The following ANO1 variants were observed in gnomAD, a reference collection of about 807,000 sequenced individuals.
The protein encoded by ANO1 is anoctamin 1, also known as anoctamin-1.
A neutral mutation model predicts 124.0 loss-of-function variants in ANO1; 59 were observed. The ratio of observed to expected loss-of-function variants is 0.48; its 90% CI spans 0.39 to 0.59. The LOEUF (loss-of-function observed/expected upper bound fraction) is 0.59, where lower values mean the gene tolerates loss of function less well. Among genes scored for constraint, ANO1 ranks in the 20% least tolerant of loss-of-function variants. ANO1 has a pLI of 0.00. For missense variants in ANO1, 1,059 were observed against 1,328.0 expected, an observed-to-expected ratio of 0.80 and a Z score of 3.15; for synonymous variants, 529 against 532.0, an observed-to-expected ratio of 0.99 and a Z score of 0.08.
chr11:70,087,621 G>A (rs556515973), intron 1 of ANO1, 131 bp from the exon 2 acceptor site: 27 of 887,042 alleles, frequency 3.0e-5, no homozygotes, highest in South Asian at 1.1e-4. Context: ...TGCCTGGCCC[G>A]TGGAGGGCGC....
chr11:70,078,915 G>T (rs537834947), intron 1 of ANO1, among the ~76,000 whole-genome samples: 14 of 151,606 alleles, frequency 9.2e-5, no homozygotes, highest in Non-Finnish European at 1.8e-4. Flanking sequence ...CCCCGCCTGC[G>T]CTCTGAGCGT....
chr11:70,002,477 A>AAC (rs1315228835), intron 1 of ANO1, among the ~76,000 whole-genome samples: 7 of 149,866 alleles, frequency 4.7e-5, no homozygotes, highest in African/African-American at 1.7e-4. Flanking sequence ...AAAAAAAAAA[A>AAC]CACCAAAAAA....
chr11:70,008,202 G>A (rs1285155077), intron 1 of ANO1, among the ~76,000 whole-genome samples: 2 of 152,228 alleles, frequency 1.3e-5, no homozygotes, highest in East Asian at 1.9e-4. Flanking sequence ...CTTCTACTCA[G>A]TAAATTGCCG....
In ANO1 at chr11:70,132,001, G is replaced by A; in HGVS notation, c.1180G>A (p.Ala394Thr). 6.2e-7 allele frequency: 1 copy of A among 1,609,650 alleles called. No homozygotes were observed. Among genetic ancestry groups the A allele is most frequent in the Non-Finnish European group, 8.5e-7 (1 of 1,179,364 alleles). Residue 394 changes from alanine (A) to threonine (T), a missense_variant, in exon 11 of 26, where the codon GCC (alanine) becomes ACC (threonine). Physicochemically the swap from Ala to Thr is moderately conservative, Grantham distance 58. Transcript: ENST00000355303. ...KTCSYWKMSS[A>T]CATARASHLF... is the part of the protein sequence containing the mutation. ...CTGCAGCTACTGGAAGATGAGCTCAGCCTGCGCCACGGCCCGCGCCAGCCA... is the reference window on the plus strand; with the variant it reads ...CTGCAGCTACTGGAAGATGAGCTCAACCTGCGCCACGGCCCGCGCCAGCCA...
the ANO1 span, among the ~76,000 whole-genome samples, chr11:69,967,477 ACTT>A: frequency 1.8e-4 from 27 of 152,244 alleles, no homozygotes; most frequent in African/African-American, 5.8e-4. Context: ...TCCATCTCAG[ACTT>A]CTTCTTCATG....
chr11:70,170,771 C>A, intron 21 of ANO1, 116 bp from the exon 22 acceptor site: 1 of 1,333,158 alleles, frequency 7.5e-7, no homozygotes, highest in South Asian at 1.4e-5. Context: ...TGCAGGTGGG[C>A]TCGTTGGAGG....
rs186558039 is a variant in ANO1, at chr11:70,118,712, G to A, written c.897+2213G>A. Among the ~76,000 whole-genome samples the A allele has an allele frequency of 4.6e-4, 69 of 151,490 alleles. 1 individual carries two copies. The highest frequency in any genetic ancestry group is 1.4e-3 in the African/African-American group (59 of 41,212). ...GTGGAGAGATGAATGATGGTTGATGGATGAGTGGGTGGATGGATGGGTGAA... is the reference window on the plus strand; with the variant it reads ...GTGGAGAGATGAATGATGGTTGATGAATGAGTGGGTGGATGGATGGGTGAA... On this transcript the variant is annotated intron_variant, in intron 8 of 25. Transcript: ENST00000355303.
intron 1 of ANO1, among the ~76,000 whole-genome samples, chr11:70,048,910 G>T (rs58395416): frequency 0.045 from 6,792 of 152,162 alleles, 279 homozygotes; most frequent in East Asian, 0.23. Context: ...GTGGAAACAG[G>T]TTCTTCTTGA....
upstream of ANO1, among the ~76,000 whole-genome samples, chr11:69,984,461 A>G (rs542733660): frequency 8.9e-5 from 10 of 112,108 alleles, no homozygotes; most frequent in South Asian, 3.4e-4. Flanking sequence ...TTCAGACTCA[A>G]TGCGAGGAAG....
chr11:70,135,190 G>A (rs754207058), intron 11 of ANO1, among the ~76,000 whole-genome samples: 54 of 152,202 alleles, frequency 3.5e-4, no homozygotes, highest in Non-Finnish European at 5.0e-4. Flanking sequence ...GATTTCATCC[G>A]TCTGTTTCCT....
At chr11:70,010,164 T>TCAC (rs1856568167) in intron 1 of ANO1, among the ~76,000 whole-genome samples, 1 of 61,318 alleles carries the variant, frequency 1.6e-5, no homozygotes, top group African/African-American at 5.5e-5. Context: ...TGTGTGTGTG[T>TCAC]GCGCGTGTGT....
intron 1 of ANO1, among the ~76,000 whole-genome samples, chr11:70,004,942 G>A (rs1410888537): frequency 2.0e-5 from 3 of 151,988 alleles, no homozygotes; most frequent in Admixed American, 2.0e-4. Flanking sequence ...GCAAAACCCC[G>A]TCTCTACTAA....
intron 1 of ANO1, among the ~76,000 whole-genome samples, chr11:70,033,581 T>C (rs1229049355): frequency 1.3e-5 from 2 of 152,116 alleles, no homozygotes; most frequent in Non-Finnish European, 2.9e-5. Flanking sequence ...GCCTTATGGT[T>C]AGCACATGCC....
chr11:70,077,550 G>A (rs973398729), upstream of ANO1, among the ~76,000 whole-genome samples: 2 of 152,134 alleles, frequency 1.3e-5, no homozygotes, highest in African/African-American at 2.4e-5. Flanking sequence ...GCTAGGTCCG[G>A]GGGTAAGAGA....
intron 13 of ANO1, 56 bp downstream of exon 13, chr11:70,152,517 G>T: frequency 6.3e-7 from 1 of 1,581,344 alleles, no homozygotes; most frequent in Non-Finnish European, 8.7e-7. Context: ...CCTGGGAGAG[G>T]GACCTTCTCT....
chr11:70,034,808 G>A (rs190893619), intron 1 of ANO1, among the ~76,000 whole-genome samples: 8 of 152,124 alleles, frequency 5.3e-5, no homozygotes, highest in African/African-American at 1.4e-4. Flanking sequence ...TGCACTTAAC[G>A]CAAAAGACAA....
chr11:70,181,240 C>G (rs750548666), intron 23 of ANO1, among the ~76,000 whole-genome samples: 6 of 152,206 alleles, frequency 3.9e-5, no homozygotes, highest in Non-Finnish European at 7.3e-5. Context: ...CGGGGTGGCT[C>G]CCCAAAGCTG....
At chr11:70,049,061 C>T (rs184415541) in intron 1 of ANO1, among the ~76,000 whole-genome samples, 36 of 152,254 alleles carry the variant, frequency 2.4e-4, no homozygotes, top group Admixed American at 2.2e-3. Flanking sequence ...GATGCTGGCC[C>T]CTGATTGCTT....
Position 70,052,085 on chromosome 11 carries a change from CTCCACACCATTTATTGAT to C in ANO1, c.59-26429_59-26412del, listed in dbSNP as rs541869290. On this transcript the variant is annotated intron_variant, in intron 1 of 27. Coordinates refer to the ANO1 transcript ENST00000531349. Reference sequence around the variant, plus strand: ...AAGGTCCAGCTTTCTCCCTATGACTCTCCACACCATTTATTGATTCCACACCATTTATTGATTCCACAC... The same window carrying C: ...AAGGTCCAGCTTTCTCCCTATGACTCTCCACACCATTTATTGATTCCACAC... 4.8e-3 allele frequency among the ~76,000 whole-genome samples: 735 copies of C among 152,326 alleles called. 2 individuals are homozygous for C. The highest frequency in any genetic ancestry group is 0.017 in the African/African-American group (707 of 41,560).
Sources: allele counts gnomAD v4.1 joint callset (sites outside exome capture counted in the v4.1 genomes callset), GRCh38; gene constraint gnomAD v4.1.1; transcripts MANE v1.5; gene names NCBI Gene and HGNC (gene_info 2026-07-23, HGNC 2026-07-21).